DDX27: variants seen among roughly 807,000 people sequenced by gnomAD.
The protein encoded by DDX27 is probable ATP-dependent RNA helicase DDX27.
Under a neutral mutation model 99.3 loss-of-function variants are expected in DDX27, and 42 were observed. The ratio of observed to expected loss-of-function variants is 0.42; its 90% CI spans 0.33 to 0.55. The LOEUF is 0.55. Among genes scored for constraint, DDX27 ranks in the 20% least tolerant of loss-of-function variants. The pLI is 0.07. For synonymous variants in DDX27, 329 were observed against 353.8 expected (o/e 0.93, Z 0.79); for missense variants, 798 against 976.8 (o/e 0.82, Z 2.44).
In DDX27 at chr20:49,228,900, G is replaced by T. The variant is rs746972541; in HGVS notation, c.880+12G>T. 6.4e-7 allele frequency: 1 copy of T among 1,571,964 alleles called. No individual in the cohort carries two copies. Among genetic ancestry groups the T allele is most frequent in the South Asian group, 1.1e-5 (1 of 87,682 alleles). On this transcript the variant is annotated intron_variant, in intron 8 of 20. Coordinates refer to ENST00000618172, the MANE Select transcript of DDX27 (RefSeq NM_017895.8). ...CTGCCTGGCTGTGGGTGAGTTTCTG[G>T]CCAAGGGCTGCCAGCCCCTGAGAGA...
rs1980319083 is a variant in DDX27 at position 49,236,626 on chromosome 20, G to C, written c.1687+116G>C. ...AGAGCCAGATTTGAATTCCAGCCCT[G>C]CTGCTTCCTTGCCGAGTGACCATGT... On this transcript the variant is annotated intron_variant, in intron 14 of 20. Transcript: ENST00000618172. This position sits in a 1 kb window ranked among gnomAD's most constrained non-coding sequence, Gnocchi z 4.1. 1 of 1,065,336 alleles carries C rather than the reference G, an allele frequency of 9.4e-7. No individual in the cohort carries two copies. The highest frequency in any genetic ancestry group is 1.3e-6 in the Non-Finnish European group (1 of 795,346). 66.0% of individuals were successfully genotyped at this position (1,065,336 alleles called of 1,614,324 possible).
intron 8 of DDX27, among the ~76,000 whole-genome samples, 170 bp downstream of exon 8, chr20:49,229,058 G>A (rs1253709255): frequency 7.0e-6 from 1 of 143,434 alleles, no homozygotes; most frequent in Non-Finnish European, 1.5e-5. Context: ...TTTTTGAGAC[G>A]GAGGAGTCTC....
chr20:49,220,350 C>T lies in DDX27; in HGVS notation c.93+809C>T, dbSNP rs550143384. Among the ~76,000 whole-genome samples, 49 of 152,272 alleles carry T rather than the reference C, an allele frequency of 3.2e-4. 1 individual carries two copies. The South Asian group carries it at 8.9e-3, about 28-fold the overall frequency. On this transcript the variant is annotated intron_variant, in intron 1 of 20. Transcript: ENST00000618172. ...ATTCACACTGTACCCACCCTAGCTC[C>T]GGCTACTGCTGTCTCATGCTTGCAC...
Position 49,244,032 on chromosome 20 carries a change from A to G in DDX27, c.*198A>G. ...TCTCCCTTCTTGCTGATTAGCTTTC[A>G]TATGACTATATTAAATGGAAGTATT... is the stretch of plus-strand genomic sequence containing the variant. On this transcript the variant is annotated 3_prime_UTR_variant, in exon 21 of 21. Transcript: ENST00000618172. 1.6e-6 allele frequency: 1 copy of G among 627,098 alleles called. No individual in the cohort carries two copies. The highest frequency in any genetic ancestry group is 2.7e-5 in the East Asian group (1 of 36,466). The allele number at this position is 627,098 out of a possible 1,614,324, so 38.8% of individuals were successfully genotyped here.
intron 6 of DDX27, among the ~76,000 whole-genome samples, chr20:49,225,453 CTT>C (rs772387461): frequency 9.3e-6 from 1 of 107,264 alleles, no homozygotes; most frequent in Non-Finnish European, 1.8e-5. Context: ...AGAGAACTCC[CTT>C]TTTTTTTTTT....
chr20:49,239,714 G>A (rs1980416689), intron 16 of DDX27, among the ~76,000 whole-genome samples: 1 of 152,168 alleles, frequency 6.6e-6, no homozygotes, highest in African/African-American at 2.4e-5. Context: ...CCTGGGGTTG[G>A]GGACCACTGT....
intron 7 of DDX27, 88 bp downstream of exon 7, chr20:49,226,623 AATAAAT>A: frequency 1.2e-6 from 1 of 827,414 alleles, no homozygotes; most frequent in Non-Finnish European, 1.9e-6. Context: ...TGGTTTGCTA[AATAAAT>A]ATTCTTGGTT....
intron 19 of DDX27, among the ~76,000 whole-genome samples, chr20:49,243,288 A>G (rs2146722742): frequency 6.6e-6 from 1 of 152,246 alleles, no homozygotes; most frequent in East Asian, 1.9e-4. Context: ...TTTCATCTCA[A>G]GTTCCATCCT....
intron 8 of DDX27, among the ~76,000 whole-genome samples, chr20:49,229,320 G>A (rs1367363945): frequency 6.6e-6 from 1 of 152,044 alleles, no homozygotes; most frequent in Non-Finnish European, 1.5e-5. Flanking sequence ...ATGAGCCACC[G>A]CACCCAGCCG....
chr20:49,233,816 T>G (rs1980211473), intron 11 of DDX27, 107 bp downstream of exon 11: 3 of 1,310,880 alleles, frequency 2.3e-6, no homozygotes, highest in African/African-American at 1.5e-5. Flanking sequence ...CCGTCCAGTC[T>G]TCCCCAGCGC....
intron 16 of DDX27, 107 bp downstream of exon 16, chr20:49,239,445 G>A (rs1354794667): frequency 6.5e-6 from 5 of 767,972 alleles, no homozygotes; most frequent in East Asian, 2.7e-5. Context: ...CCAACCTTTC[G>A]GCACCAAGGA....
chr20:49,223,167 C>T lies in DDX27; in HGVS notation c.301-101C>T. 3 of 1,399,578 alleles carry T rather than the reference C, an allele frequency of 2.1e-6. No homozygotes were observed. In the South Asian group the frequency reaches 4.1e-5, roughly 19 times the overall value. The allele number at this position is 1,399,578 out of a possible 1,614,324, so 86.7% of individuals were successfully genotyped here. On this transcript the variant is annotated intron_variant, in intron 3 of 20. Transcript: ENST00000618172. ...TTTGCTGTGAATCTGTACTGAGAAT[C>T]CCCACAGCCGTTCATTCAGGCCGGA...
chr20:49,239,048 A>G lies in DDX27; in HGVS notation c.1787A>G (p.Glu596Gly). 2.5e-6 allele frequency: 4 copies of G among 1,613,548 alleles called. No individual in the cohort carries two copies. Among genetic ancestry groups the G allele is most frequent in the Non-Finnish European group, 2.5e-6 (3 of 1,179,472 alleles). ...GAGGAAAAAGAGATGCAGCAGTCAG[A>G]AGCCCAGGTGAGGCTGCGAGGCGGG... Reference protein sequence around the residue: ...EAEEKEMQQSEAQINTAKRLL... With the variant: ...EAEEKEMQQSGAQINTAKRLL... Residue 596 changes from glutamate to glycine, a missense_variant, in exon 15 of 21, where the codon GAA becomes GGA. Transcript: ENST00000618172.
At chr20:49,224,797 C>T (rs1408063532) in intron 4 of DDX27, 148 bp from the exon 5 acceptor site, 10 of 793,890 alleles carry the variant, frequency 1.3e-5, no homozygotes, top group Non-Finnish European at 2.0e-5. Flanking sequence ...ACCATGCTGC[C>T]ACAAAGTGTC....
At chr20:49,219,892 T>C (rs947921819) in intron 1 of DDX27, among the ~76,000 whole-genome samples, 10 of 152,158 alleles carry the variant, frequency 6.6e-5, no homozygotes, top group Admixed American at 1.3e-4. Context: ...TGTCCTTTCG[T>C]ATGTTCATCG....
Position 49,243,963 on chromosome 20 carries a change from G to T in DDX27, c.*129G>T. ...CAAAAACAAAAAACAACACTTTGGT[G>T]TGGTGGTATGGTACGTAGCTATTTT... On this transcript the variant is annotated 3_prime_UTR_variant, in exon 21 of 21. Coordinates refer to ENST00000618172, the MANE Select transcript of DDX27 (RefSeq NM_017895.8). 1.8e-6 allele frequency: 2 copies of T among 1,103,940 alleles called. No individual in the cohort carries two copies. Among genetic ancestry groups the T allele is most frequent in the Non-Finnish European group, 1.3e-6 (1 of 762,894 alleles). 68.4% of individuals were successfully genotyped at this position (1,103,940 alleles called of 1,614,324 possible). A position where few individuals can be genotyped will look rare whatever the true frequency, so the allele number is the denominator to read the frequency against.
chr20:49,223,588 T>TA (rs1246047322), intron 4 of DDX27, among the ~76,000 whole-genome samples, 155 bp downstream of exon 4: 3 of 151,216 alleles, frequency 2.0e-5, no homozygotes, highest in Non-Finnish European at 1.5e-5. Context: ...TTTTTTTTTT[T>TA]AAGAGATGTT....
chr20:49,231,404 AAG>A (rs2146713561), intron 9 of DDX27, among the ~76,000 whole-genome samples: 1 of 152,298 alleles, frequency 6.6e-6, no homozygotes, highest in East Asian at 1.9e-4. Flanking sequence ...AAGGATGAAA[AAG>A]AGATCATTTT....
intron 9 of DDX27, among the ~76,000 whole-genome samples, chr20:49,231,600 C>T (rs1980114429): frequency 6.6e-6 from 1 of 152,176 alleles, no homozygotes; most frequent in Non-Finnish European, 1.5e-5. Context: ...AGGGGTTGGG[C>T]TTGCTGAAAA....
Sources: gnomAD v4.1 joint callset for allele counts (sites outside exome capture counted in the v4.1 genomes callset) on GRCh38, gnomAD v4.1.1 for gene constraint, Gnocchi (gnomAD v3.1) non-coding constraint, MANE v1.5 for transcripts, NCBI Gene and HGNC (gene_info 2026-07-23, HGNC 2026-07-21) for gene names.